The following NECAB1 variants were observed in gnomAD, a reference collection of about 807,000 sequenced individuals.
The protein encoded by NECAB1 is N-terminal EF-hand calcium binding protein 1.
Under a neutral mutation model 57.5 loss-of-function variants are expected in NECAB1, and 29 were observed. The ratio of observed to expected loss-of-function variants is 0.50; its 90% CI spans 0.38 to 0.69. The LOEUF (loss-of-function observed/expected upper bound fraction) is 0.69. NECAB1 is among the 30% of genes least tolerant of loss of function. NECAB1 has a pLI of 0.00. For missense variants in NECAB1, 372 were observed against 413.8 expected (o/e 0.90, Z 0.88); for synonymous variants, 142 against 147.7 (o/e 0.96, Z 0.28).
chr8:90,905,610 C>A (rs1401459128), intron 5 of NECAB1, among the ~76,000 whole-genome samples: 1 of 152,152 alleles, frequency 6.6e-6, no homozygotes, highest in Non-Finnish European at 1.5e-5. Context: ...CATCTGGGTG[C>A]TAATTTCATC....
chr8:90,892,002 A>G (rs959905440), intron 5 of NECAB1, among the ~76,000 whole-genome samples: 2 of 152,146 alleles, frequency 1.3e-5, no homozygotes, highest in Non-Finnish European at 2.9e-5. Context: ...CCTCAAGTAT[A>G]CTTTTATACT....
chr8:90,800,756 G>A (rs1811745649), intron 1 of NECAB1, among the ~76,000 whole-genome samples: 1 of 152,050 alleles, frequency 6.6e-6, no homozygotes, highest in Admixed American at 6.6e-5. Flanking sequence ...AACCACTCAG[G>A]CAAAACCATG....
intron 5 of NECAB1, among the ~76,000 whole-genome samples, chr8:90,887,157 C>T (rs1011462396): frequency 1.3e-5 from 2 of 152,108 alleles, no homozygotes; most frequent in African/African-American, 2.4e-5. Flanking sequence ...CATCGAGAAC[C>T]TCTGCACTGT....
chr8:90,917,263 T>A (rs934412096), intron 5 of NECAB1, among the ~76,000 whole-genome samples: 4 of 152,098 alleles, frequency 2.6e-5, no homozygotes, highest in African/African-American at 9.7e-5. Flanking sequence ...GGCAGGTATA[T>A]TGGGAGGCAA....
intron 5 of NECAB1, among the ~76,000 whole-genome samples, chr8:90,905,793 G>A (rs111298831): frequency 7.2e-5 from 11 of 152,006 alleles, no homozygotes; most frequent in African/African-American, 2.2e-4. Context: ...ATTTCATATT[G>A]TTCATCTCTC....
chr8:90,822,714 C>T (rs1812162978), intron 2 of NECAB1, among the ~76,000 whole-genome samples: 1 of 151,802 alleles, frequency 6.6e-6, no homozygotes, highest in African/African-American at 2.4e-5. Flanking sequence ...AACCCAAGTG[C>T]AGTAATAGCC....
chr8:90,875,487 C>CAAAAAAAAAAA (rs35777818), intron 4 of NECAB1, among the ~76,000 whole-genome samples: 9 of 41,480 alleles, frequency 2.2e-4, no homozygotes, highest in African/African-American at 9.9e-4. Flanking sequence ...GACTCCGTCT[C>CAAAAAAAAAAA]AAAAAAAAAA....
At chr8:90,806,550 C>A (rs1387373815) in intron 2 of NECAB1, 1 of 152,152 alleles carries the variant, frequency 6.6e-6, no homozygotes, top group Non-Finnish European at 1.5e-5. Flanking sequence ...CTGAGTCCTA[C>A]CCTCTGTGAT....
At chr8:90,797,502 C>G (rs1811682486) in intron 1 of NECAB1, among the ~76,000 whole-genome samples, 1 of 152,072 alleles carries the variant, frequency 6.6e-6, no homozygotes, top group Non-Finnish European at 1.5e-5. Context: ...TTCAAGCTGG[C>G]CAGCAAGAAG....
chr8:90,898,190 G>C (rs1809407497), intron 5 of NECAB1, among the ~76,000 whole-genome samples: 1 of 152,030 alleles, frequency 6.6e-6, no homozygotes, highest in Non-Finnish European at 1.5e-5. Flanking sequence ...GTGGAAAAAA[G>C]AACTACCAAG....
At chr8:90,823,650 T>G (rs2129704586) in intron 2 of NECAB1, among the ~76,000 whole-genome samples, 1 of 151,966 alleles carries the variant, frequency 6.6e-6, no homozygotes. Flanking sequence ...TCAAACATTC[T>G]TCTACTCAAA....
chr8:90,795,706 TCTCACACA>T lies in NECAB1; in HGVS notation c.99+3723_99+3730del, dbSNP rs1811648986. 2.2e-5 allele frequency among the ~76,000 whole-genome samples: 3 copies of T among 136,426 alleles called. No individual in the cohort carries two copies. In the South Asian group the frequency reaches 6.5e-4, roughly 29 times the overall value. 89.5% of individuals were successfully genotyped at this position (136,426 alleles called of 152,430 possible). On this transcript the variant is annotated intron_variant, in intron 1 of 12. Coordinates refer to ENST00000417640, the MANE Select transcript of NECAB1 (RefSeq NM_022351.5). ...CACACCTCCCATCTCACCTCATCTCTCTCACACACACACACACACACACACACACACAC... is the reference window on the plus strand; with the variant it reads ...CACACCTCCCATCTCACCTCATCTCTCACACACACACACACACACACACAC...
intron 5 of NECAB1, among the ~76,000 whole-genome samples, chr8:90,900,287 C>T (rs1004883713): frequency 1.3e-5 from 2 of 152,136 alleles, no homozygotes; most frequent in African/African-American, 4.8e-5. Flanking sequence ...ACATTGATCA[C>T]TTTTGAGGCC....
At chr8:90,903,914 C>A (rs1809571177) in intron 5 of NECAB1, 2 of 152,112 alleles carry the variant, frequency 1.3e-5, no homozygotes, top group Admixed American at 1.3e-4. Flanking sequence ...GCCACCAGCA[C>A]CCCGCAAGGT....
chr8:90,896,654 AC>A (rs1188217003), intron 5 of NECAB1, among the ~76,000 whole-genome samples: 1 of 152,124 alleles, frequency 6.6e-6, no homozygotes, highest in Middle Eastern at 3.2e-3. Context: ...ACAAACTAAT[AC>A]GTCAGTATGT....
Position 90,879,500 on chromosome 8 carries a change from C to A in NECAB1, c.260-1533C>A, listed in dbSNP as rs117796988. On this transcript the variant is annotated intron_variant, in intron 4 of 12. Coordinates refer to ENST00000417640, the MANE Select transcript of NECAB1 (RefSeq NM_022351.5). ...TTGCATTTAAAACCCCTGTCACAATCCTCTTTGAGGCATTATATATACAAG... is the reference window on the plus strand; with the variant it reads ...TTGCATTTAAAACCCCTGTCACAATACTCTTTGAGGCATTATATATACAAG... Among the ~76,000 whole-genome samples the A allele has an allele frequency of 2.1e-3, 326 of 152,198 alleles. 2 individuals are homozygous for A. The highest frequency in any genetic ancestry group is 3.5e-3 in the Non-Finnish European group (238 of 68,010).
At chr8:90,947,991 T>C (rs1268612711) in intron 10 of NECAB1, among the ~76,000 whole-genome samples, 1 of 152,202 alleles carries the variant, frequency 6.6e-6, no homozygotes, top group African/African-American at 2.4e-5. Context: ...TTTAATGTAA[T>C]AAGTAAACAA....
At chr8:90,954,981 A>G (rs1225281665) in intron 12 of NECAB1, among the ~76,000 whole-genome samples, 1 of 136,788 alleles carries the variant, frequency 7.3e-6, no homozygotes, top group Admixed American at 8.1e-5. Context: ...TTATGTGTGT[A>G]CATATATGTA....
intron 7 of NECAB1, among the ~76,000 whole-genome samples, chr8:90,925,957 T>A (rs1810258505): frequency 6.6e-6 from 1 of 152,282 alleles, no homozygotes; most frequent in South Asian, 2.1e-4. Flanking sequence ...GGACCCCCCA[T>A]GATCTTGAAA....
Sources: allele counts gnomAD v4.1 joint callset (sites outside exome capture counted in the v4.1 genomes callset), GRCh38; gene constraint gnomAD v4.1.1; transcripts MANE v1.5; gene names NCBI Gene and HGNC (gene_info 2026-07-23, HGNC 2026-07-21).